STK33: variants seen among roughly 807,000 people sequenced by gnomAD.
STK33 encodes serine/threonine-protein kinase 33.
In STK33, 52 loss-of-function variants were observed where a neutral mutation model predicts 58.0. The observed-to-expected ratio is 0.90, with a 90% CI of 0.72 to 1.13. The LOEUF (loss-of-function observed/expected upper bound fraction) is 1.13, where lower values mean the gene tolerates loss of function less well. Among genes scored for constraint, STK33 ranks in the 50% most tolerant of loss-of-function variants. The probability of loss-of-function intolerance (pLI) is 0.00; values close to 1 mark genes in which losing one functional copy is unlikely to be tolerated. For synonymous variants in STK33, 215 were observed against 200.1 expected (o/e 1.07, Z -0.63); for missense variants, 630 against 604.2 (o/e 1.04, Z -0.45).
At chr11:8,475,122 G>A in intron 4 of STK33, 56 bp from the exon 5 acceptor site, 1 of 425,504 alleles carries the variant, frequency 2.4e-6, no homozygotes. Context: ...TTACCATCCT[G>A]GAAATCAGAG....
chr11:8,491,435 G>A (rs575492590), intron 1 of STK33, among the ~76,000 whole-genome samples: 54 of 152,264 alleles, frequency 3.5e-4, no homozygotes, highest in African/African-American at 1.3e-3. Flanking sequence ...CAAGAAATAT[G>A]GGACTAGGTG....
chr11:8,559,678 T>A (rs1035855181), intron 1 of STK33, among the ~76,000 whole-genome samples: 27 of 152,218 alleles, frequency 1.8e-4, no homozygotes, highest in African/African-American at 5.8e-4. Context: ...AATATTTTTG[T>A]TTGCTTTTAA....
chr11:8,463,310 T>G (rs1947796458), intron 7 of STK33, among the ~76,000 whole-genome samples: 1 of 152,278 alleles, frequency 6.6e-6, no homozygotes, highest in South Asian at 2.1e-4. Context: ...TGGATTCTCA[T>G]AAGGAGCATG....
chr11:8,540,966 ATCTCTCTCTC>A lies in STK33; in HGVS notation c.-466+53107_-466+53116del, dbSNP rs58020007. Among the ~76,000 whole-genome samples, 48 of 144,032 alleles carry A rather than the reference ATCTCTCTCTC, an allele frequency of 3.3e-4. 1 individual carries two copies. Among genetic ancestry groups the A allele is most frequent in the African/African-American group, 1.1e-3 (41 of 38,862 alleles). 94.5% of individuals were successfully genotyped at this position (144,032 alleles called of 152,430 possible). On this transcript the variant is annotated intron_variant, in intron 1 of 15. Coordinates refer to ENST00000687296, the MANE Select transcript of STK33 (RefSeq NM_001352389.2). ...GCTTCACTATACTACCCATCTTACT[ATCTCTCTCTC>A]TCTCTCTCTCTCTCTCTCTATATAT...
At chr11:8,471,088 T>C (rs150364427) in intron 6 of STK33, among the ~76,000 whole-genome samples, 28 of 152,340 alleles carry the variant, frequency 1.8e-4, no homozygotes, top group Admixed American at 7.8e-4. Flanking sequence ...TGCCTATATT[T>C]TGTAAAGTGA....
intron 1 of STK33, among the ~76,000 whole-genome samples, 178 bp from the exon 2 acceptor site, chr11:8,480,792 T>A (rs547995723): frequency 6.6e-6 from 1 of 152,054 alleles, no homozygotes; most frequent in African/African-American, 2.4e-5. Context: ...ACTCTAAGGA[T>A]CCAAACAGGA....
chr11:8,541,699 T>C (rs928424366), intron 1 of STK33, among the ~76,000 whole-genome samples: 18 of 152,158 alleles, frequency 1.2e-4, no homozygotes, highest in African/African-American at 4.3e-4. Flanking sequence ...TTTCACAACT[T>C]CTGTCTGTGG....
the STK33 span, among the ~76,000 whole-genome samples, chr11:8,375,817 G>C: frequency 1.3e-5 from 2 of 152,102 alleles, no homozygotes; most frequent in Non-Finnish European, 2.9e-5. Context: ...ACGATTGTAA[G>C]TTTCCTGAGG....
the STK33 span, among the ~76,000 whole-genome samples, chr11:8,374,430 A>G: frequency 2.6e-5 from 4 of 152,206 alleles, no homozygotes; most frequent in African/African-American, 9.6e-5. Context: ...TGGAGGCTGG[A>G]AAGTCTAAGA....
chr11:8,461,210 C>T (rs561506691), intron 8 of STK33, among the ~76,000 whole-genome samples: 1 of 152,200 alleles, frequency 6.6e-6, no homozygotes, highest in Non-Finnish European at 1.5e-5. Flanking sequence ...TACATTATTA[C>T]TCTTCTAAGA....
chr11:8,343,168 G>A, the STK33 span, among the ~76,000 whole-genome samples: 4 of 152,266 alleles, frequency 2.6e-5, no homozygotes, highest in Non-Finnish European at 4.4e-5. Context: ...CAGTGGGAGC[G>A]TGGGTCATGG....
At chr11:8,402,538 C>T (rs1159000143) in intron 15 of STK33, among the ~76,000 whole-genome samples, 1 of 152,154 alleles carries the variant, frequency 6.6e-6, no homozygotes, top group African/African-American at 2.4e-5. Context: ...ATGGGTGCAG[C>T]ACACCAACAT....
intron 1 of STK33, among the ~76,000 whole-genome samples, chr11:8,524,842 C>T (rs1953889376): frequency 2.0e-5 from 3 of 151,434 alleles, no homozygotes; most frequent in Admixed American, 2.0e-4. Flanking sequence ...ATATTTGCAT[C>T]ACAAAAATAA....
At chr11:8,383,703 C>T in the STK33 span, among the ~76,000 whole-genome samples, 5 of 152,286 alleles carry the variant, frequency 3.3e-5, no homozygotes, top group South Asian at 8.3e-4. Context: ...GATATTTCTC[C>T]GAATGGCATT....
Position 8,446,896 on chromosome 11 carries a change from A to T in STK33, c.871+5926T>A, listed in dbSNP as rs1945544773. Among the ~76,000 whole-genome samples the T allele has an allele frequency of 3.3e-5, 5 of 152,346 alleles. No individual in the cohort carries two copies. The South Asian group carries it at 1.0e-3, about 32-fold the overall frequency. The stretch of plus-strand genomic sequence containing the variant: ...GAAAACCTAAGCAATACCATTCAGG[A>T]TATAGGCATGGGCAAAGACTTCATG... On this transcript the variant is annotated intron_variant, in intron 11 of 15. Coordinates refer to ENST00000687296, the MANE Select transcript of STK33 (RefSeq NM_001352389.2).
intron 12 of STK33, 141 bp from the exon 13 acceptor site, chr11:8,436,280 G>T: frequency 2.2e-6 from 1 of 461,112 alleles, no homozygotes; most frequent in South Asian, 5.0e-5. Flanking sequence ...CTCCCTGGAA[G>T]TAAAAATGGA....
intron 15 of STK33, among the ~76,000 whole-genome samples, chr11:8,393,433 G>C (rs1199489574): frequency 2.0e-5 from 3 of 152,192 alleles, no homozygotes; most frequent in Non-Finnish European, 4.4e-5. Context: ...CTTGAATCCT[G>C]CTGTCATGAG....
the STK33 span, among the ~76,000 whole-genome samples, chr11:8,382,101 T>C: frequency 2.6e-5 from 4 of 152,138 alleles, no homozygotes; most frequent in Admixed American, 2.6e-4. Context: ...CAGCACACCC[T>C]TGCCACCCAC....
At chr11:8,356,770 G>A in the STK33 span, among the ~76,000 whole-genome samples, 1 of 152,200 alleles carries the variant, frequency 6.6e-6, no homozygotes, top group Non-Finnish European at 1.5e-5. Flanking sequence ...GACACCAGCT[G>A]TCAGATAGCT....
Sources: gnomAD v4.1 joint callset for allele counts (sites outside exome capture counted in the v4.1 genomes callset) on GRCh38, gnomAD v4.1.1 for gene constraint, MANE v1.5 for transcripts, NCBI Gene and HGNC (gene_info 2026-07-23, HGNC 2026-07-21) for gene names.